CFAP77: variants seen among roughly 807,000 people sequenced by gnomAD.
CFAP77 encodes the protein cilia- and flagella-associated protein 77.
In CFAP77, 25 loss-of-function variants were observed where a neutral mutation model predicts 31.1. The ratio of observed to expected loss-of-function variants is 0.80; its 90% CI spans 0.59 to 1.12. The LOEUF (loss-of-function observed/expected upper bound fraction) is 1.12, where lower values mean the gene tolerates loss of function less well. Ranked by LOEUF, CFAP77 falls within the 50% of genes most tolerant of loss-of-function variation. CFAP77 has a pLI of 0.00. For missense variants in CFAP77, 377 were observed against 397.3 expected (o/e 0.95, Z 0.44); for synonymous variants, 151 against 159.9 (o/e 0.94, Z 0.42).
At chr9:132,530,527 G>A (rs1023049701) in intron 3 of CFAP77, among the ~76,000 whole-genome samples, 2 of 152,044 alleles carry the variant, frequency 1.3e-5, no homozygotes, top group Non-Finnish European at 2.9e-5. Context: ...TGCCCCCCTC[G>A]GCCTCCCAAA....
intron 3 of CFAP77, among the ~76,000 whole-genome samples, chr9:132,516,597 A>G (rs1297585961): frequency 1.3e-5 from 2 of 151,534 alleles, no homozygotes; most frequent in Non-Finnish European, 1.5e-5. Flanking sequence ...AAATACACAC[A>G]CACACACACA....
intron 1 of CFAP77, among the ~76,000 whole-genome samples, chr9:132,473,624 C>T (rs1170896871): frequency 6.6e-6 from 1 of 152,156 alleles, no homozygotes; most frequent in Non-Finnish European, 1.5e-5. Context: ...GTCCCTGGAG[C>T]CTTCCCCAGT....
intron 5 of CFAP77, among the ~76,000 whole-genome samples, chr9:132,561,818 G>A (rs1241632645): frequency 1.3e-5 from 2 of 152,168 alleles, no homozygotes; most frequent in East Asian, 1.9e-4. Context: ...TGGCAGAGGC[G>A]TCGGGTGGAG....
intron 1 of CFAP77, among the ~76,000 whole-genome samples, chr9:132,422,538 G>A (rs944615): frequency 1.3e-5 from 2 of 152,172 alleles, no homozygotes; most frequent in Admixed American, 1.3e-4. Context: ...TGAGCAATGG[G>A]ACGAGACTGT....
intron 1 of CFAP77, among the ~76,000 whole-genome samples, chr9:132,412,364 G>A (rs1382017557): frequency 6.6e-6 from 1 of 152,176 alleles, no homozygotes; most frequent in South Asian, 2.1e-4. Context: ...GCTTTCCTTC[G>A]TGGGTTCTTC....
At chr9:132,425,254 T>G (rs897810281) in intron 1 of CFAP77, among the ~76,000 whole-genome samples, 2 of 152,150 alleles carry the variant, frequency 1.3e-5, no homozygotes, top group African/African-American at 4.8e-5. Flanking sequence ...CATTTAAACT[T>G]CATCAACTTT....
chr9:132,472,794 A>G (rs1851281615), intron 1 of CFAP77, among the ~76,000 whole-genome samples: 1 of 152,094 alleles, frequency 6.6e-6, no homozygotes, highest in Non-Finnish European at 1.5e-5. Context: ...AACAAAAAAC[A>G]ATGGCTCGGA....
intron 3 of CFAP77, among the ~76,000 whole-genome samples, chr9:132,532,193 G>T (rs188280054): frequency 4.8e-4 from 73 of 152,346 alleles, no homozygotes; most frequent in African/African-American, 1.5e-3. Flanking sequence ...GGAAGCTGCT[G>T]AACCTTTGCT....
intron 1 of CFAP77, among the ~76,000 whole-genome samples, chr9:132,426,068 G>A (rs886936653): frequency 2.6e-5 from 4 of 152,122 alleles, no homozygotes; most frequent in Admixed American, 1.3e-4. Context: ...ACCCCCGCCC[G>A]CCTCCCCGAG....
intron 1 of CFAP77, among the ~76,000 whole-genome samples, chr9:132,426,417 GGGGGGAAATGAGAAACAA>G (rs1233292323): frequency 1.3e-5 from 2 of 152,140 alleles, no homozygotes; most frequent in Admixed American, 6.5e-5. Flanking sequence ...AACCCAAGTT[GGGGGGAAATGAGAAACAA>G]CAGTAATGTC....
chr9:132,476,178 A>G (rs530832257), intron 1 of CFAP77, among the ~76,000 whole-genome samples: 1 of 152,100 alleles, frequency 6.6e-6, no homozygotes, highest in African/African-American at 2.4e-5. Flanking sequence ...GCGTTCCTCT[A>G]TGCCCAGCTG....
In CFAP77 at chr9:132,410,438, C is replaced by G. The variant is rs1405760228; in HGVS notation, c.167C>G (p.Ser56Cys). ...GAGCGGCTGGGGGTCGTGCGGGACT[C>G]CATGTTTCAGAACCCTCTCATCGTC... ...ENERLGVVRD[S>C]MFQNPLIVKA... Residue 56 changes from serine to cysteine, a missense_variant, in exon 1 of 6, where the codon TCC (serine) becomes TGC (cysteine). Transcript: ENST00000393216. The G allele has an allele frequency of 3.8e-6, 6 of 1,593,408 alleles. No individual in the cohort carries two copies. The highest frequency in any genetic ancestry group is 5.1e-6 in the Non-Finnish European group (6 of 1,171,924).
rs1829859115 is a variant in CFAP77, at chr9:132,564,341, G to C, written c.733-8047G>C. On this transcript the variant is annotated intron_variant, in intron 5 of 5. Transcript: ENST00000393216. This position sits in a 1 kb window ranked among gnomAD's most constrained non-coding sequence, Gnocchi z 4.6. ...AAAGTAGAACAGATTTTTCAAGCAA[G>C]AATACAAAGCAAAACCTCAATAAAT... 6.6e-6 allele frequency among the ~76,000 whole-genome samples: 1 copy of C among 152,108 alleles called. No individual in the cohort carries two copies. The highest frequency in any genetic ancestry group is 2.1e-4 in the South Asian group (1 of 4,828).
At chr9:132,523,195 C>G (rs970040541) in intron 3 of CFAP77, among the ~76,000 whole-genome samples, 5 of 151,762 alleles carry the variant, frequency 3.3e-5, no homozygotes, top group African/African-American at 1.2e-4. Context: ...TCAAGCAATT[C>G]TCCTGCCTCA....
At chr9:132,466,692 C>A (rs979478544) in intron 1 of CFAP77, among the ~76,000 whole-genome samples, 1 of 152,200 alleles carries the variant, frequency 6.6e-6, no homozygotes, top group Non-Finnish European at 1.5e-5. Flanking sequence ...GTTCCCCCGA[C>A]CTCCCGGCTT....
chr9:132,496,777 G>T (rs1851749979), intron 1 of CFAP77, among the ~76,000 whole-genome samples: 1 of 152,172 alleles, frequency 6.6e-6, no homozygotes. Context: ...CAGAGGAAGT[G>T]GTTTTTAATA....
chr9:132,566,815 TCC>T (rs1829889946), intron 5 of CFAP77, among the ~76,000 whole-genome samples: 2 of 152,064 alleles, frequency 1.3e-5, no homozygotes, highest in African/African-American at 4.8e-5. Flanking sequence ...TCCTGTTCTC[TCC>T]CTTCCCACCT....
intron 5 of CFAP77, among the ~76,000 whole-genome samples, chr9:132,570,000 T>G (rs1829937095): frequency 6.6e-6 from 1 of 152,104 alleles, no homozygotes; most frequent in Admixed American, 6.5e-5. Context: ...CCCAAAGCAC[T>G]GGGATTACAA....
At chr9:132,471,463 A>G (rs935804879) in intron 1 of CFAP77, among the ~76,000 whole-genome samples, 2 of 146,348 alleles carry the variant, frequency 1.4e-5, no homozygotes, top group Admixed American at 6.9e-5. Context: ...ACCGTTGCCC[A>G]CACACACACA....
Sources: allele counts gnomAD v4.1 joint callset (sites outside exome capture counted in the v4.1 genomes callset), GRCh38; gene constraint gnomAD v4.1.1; non-coding constraint Gnocchi (gnomAD v3.1); transcripts MANE v1.5; gene names NCBI Gene and HGNC (gene_info 2026-07-23, HGNC 2026-07-21).